The following ADGRB3 variants were observed in gnomAD, a reference collection of about 807,000 sequenced individuals.
ADGRB3 encodes the protein brain-specific angiogenesis inhibitor 3.
In ADGRB3, 37 loss-of-function variants were observed where a neutral mutation model predicts 193.4. The observed-to-expected ratio is 0.19, with a 90% CI of 0.15 to 0.25. The LOEUF (loss-of-function observed/expected upper bound fraction) is 0.25, where lower values mean the gene tolerates loss of function less well. Among genes scored for constraint, ADGRB3 ranks in the 10% least tolerant of loss-of-function variants. The probability of loss-of-function intolerance (pLI) is 1.00; values close to 1 mark genes in which losing one functional copy is unlikely to be tolerated. For missense variants in ADGRB3, 1,637 were observed against 1,852.9 expected (o/e 0.88, Z 2.14); for synonymous variants, 690 against 644.2 (o/e 1.07, Z -1.08).
intron 3 of ADGRB3, among the ~76,000 whole-genome samples, chr6:68,817,021 T>C (rs1302662349): frequency 6.6e-6 from 1 of 151,864 alleles, no homozygotes; most frequent in Non-Finnish European, 1.5e-5. Flanking sequence ...TTTGGTATTT[T>C]TTATAATATA....
chr6:69,150,755 G>T (rs1774649481), intron 17 of ADGRB3, among the ~76,000 whole-genome samples: 2 of 152,336 alleles, frequency 1.3e-5, no homozygotes, highest in South Asian at 4.1e-4. Context: ...CCAAGGCCCA[G>T]AGTGTGTACT....
chr6:69,180,630 G>C (rs1263497946), intron 17 of ADGRB3, among the ~76,000 whole-genome samples: 1 of 152,160 alleles, frequency 6.6e-6, no homozygotes. Flanking sequence ...CCAGTTCCAG[G>C]TTGCCAAGCT....
chr6:68,670,136 A>G (rs1312849204), intron 3 of ADGRB3, among the ~76,000 whole-genome samples: 1 of 151,732 alleles, frequency 6.6e-6, no homozygotes, highest in Non-Finnish European at 1.5e-5. Flanking sequence ...TTTCTTATAT[A>G]GTTGTTTGAG....
chr6:69,122,108 G>A (rs2150330335), intron 17 of ADGRB3, among the ~76,000 whole-genome samples: 1 of 145,170 alleles, frequency 6.9e-6, no homozygotes, highest in Admixed American at 7.0e-5. Flanking sequence ...GCGGCTGGAA[G>A]GTGGATGTTG....
intron 6 of ADGRB3, among the ~76,000 whole-genome samples, chr6:68,954,974 T>C (rs987974573): frequency 6.6e-6 from 1 of 152,044 alleles, no homozygotes; most frequent in Non-Finnish European, 1.5e-5. Context: ...TTCAATGGCT[T>C]CTTAAACACC....
intron 17 of ADGRB3, among the ~76,000 whole-genome samples, chr6:69,210,125 T>C (rs1175092818): frequency 9.3e-6 from 1 of 107,760 alleles, no homozygotes; most frequent in African/African-American, 3.7e-5. Flanking sequence ...CACACACTCA[T>C]ATATATCATA....
chr6:68,892,645 C>T (rs924001405), intron 3 of ADGRB3, among the ~76,000 whole-genome samples: 21 of 152,128 alleles, frequency 1.4e-4, no homozygotes, highest in Non-Finnish European at 2.5e-4. Flanking sequence ...TCTCAGAGGG[C>T]CTGGGTTGTG....
At chr6:68,664,259 G>A (rs1768743767) in intron 3 of ADGRB3, among the ~76,000 whole-genome samples, 1 of 151,670 alleles carries the variant, frequency 6.6e-6, no homozygotes, top group Non-Finnish European at 1.5e-5. Flanking sequence ...AAATGTTTGA[G>A]ATGTGTTTGA....
Position 69,049,276 on chromosome 6 carries a change from G to T in ADGRB3, c.2263G>T (p.Asp755Tyr). 1 of 1,599,402 alleles carries T rather than the reference G, an allele frequency of 6.3e-7. No individual in the cohort carries two copies. Among genetic ancestry groups the T allele is most frequent in the South Asian group, 1.1e-5 (1 of 89,048 alleles). The change falls in exon 15 of 32, where the codon GAT (aspartate) becomes TAT (tyrosine). Residue 755 changes from aspartate to tyrosine, a missense_variant. Transcript: ENST00000370598. Reference protein sequence around the residue: ...IFTPVSSKELDESSVFVLGAV... With the variant: ...IFTPVSSKELYESSVFVLGAV... ...TCAAAATTTATTCTTTCTAGAATTAGATGAATCATCTGTATTTGTTCTTGG... is the reference window on the plus strand; with the variant it reads ...TCAAAATTTATTCTTTCTAGAATTATATGAATCATCTGTATTTGTTCTTGG...
intron 17 of ADGRB3, among the ~76,000 whole-genome samples, chr6:69,172,643 C>CAAAAAGAA (rs1775305652): frequency 3.7e-5 from 1 of 26,828 alleles, no homozygotes; most frequent in Non-Finnish European, 6.0e-5. Flanking sequence ...GACTCTGTCT[C>CAAAAAGAA]AAAAAAAAAA....
rs545580888 is a variant in ADGRB3 at position 69,243,821 on chromosome 6, T to G, written c.2814+4595T>G. Among the ~76,000 whole-genome samples, 3 of 152,122 alleles carry G rather than the reference T, an allele frequency of 2.0e-5. No homozygotes were observed. The South Asian group carries it at 6.2e-4, about 32-fold the overall frequency. On this transcript the variant is annotated intron_variant, in intron 20 of 31. Transcript: ENST00000370598. ...CCAACTAGTCTGGGCATTCTTGGAC[T>G]CCTCCTAGAATTACAGGTTAAACTA...
At chr6:69,202,027 C>T (rs1040196352) in intron 17 of ADGRB3, among the ~76,000 whole-genome samples, 2 of 152,146 alleles carry the variant, frequency 1.3e-5, no homozygotes, top group Non-Finnish European at 1.5e-5. Flanking sequence ...CCATAGGACA[C>T]CATTCCTGCA....
intron 8 of ADGRB3, among the ~76,000 whole-genome samples, chr6:68,969,885 A>G (rs1003270636): frequency 1.3e-4 from 20 of 152,206 alleles, no homozygotes; most frequent in Non-Finnish European, 2.5e-4. Flanking sequence ...AAAATTTAAA[A>G]TTGAATCATT....
At position 68,819,138 on chromosome 6, in the gene ADGRB3, G is replaced by A. The variant is rs147898220; in HGVS notation, c.758-111421G>A. On this transcript the variant is annotated intron_variant, in intron 3 of 31. Coordinates refer to ENST00000370598, the MANE Select transcript of ADGRB3 (RefSeq NM_001704.3). ...CCTTTATATATGAAAGCAATGATAT[G>A]CACCTATCCTCATTTATAACTAGTT... 1.9e-3 allele frequency among the ~76,000 whole-genome samples: 286 copies of A among 151,924 alleles called. 2 individuals carry two copies. The highest frequency in any genetic ancestry group is 2.4e-3 in the Non-Finnish European group (165 of 67,940).
intron 3 of ADGRB3, among the ~76,000 whole-genome samples, chr6:68,667,496 G>A (rs777223958): frequency 2.6e-5 from 4 of 151,748 alleles, no homozygotes; most frequent in Non-Finnish European, 5.9e-5. Flanking sequence ...ATTTATATCC[G>A]TAGAACCTGA....
intron 10 of ADGRB3, among the ~76,000 whole-genome samples, chr6:68,990,750 C>A (rs1274006227): frequency 1.3e-5 from 2 of 152,150 alleles, no homozygotes; most frequent in African/African-American, 4.8e-5. Context: ...AAATCCCTCA[C>A]AGGCACAGGT....
At chr6:69,270,022 C>G (rs572800242) in intron 20 of ADGRB3, among the ~76,000 whole-genome samples, 1 of 152,214 alleles carries the variant, frequency 6.6e-6, no homozygotes, top group East Asian at 1.9e-4. Context: ...TGTTTCTCAT[C>G]TTTATACCTT....
At chr6:69,174,975 T>A (rs1235488732) in intron 17 of ADGRB3, among the ~76,000 whole-genome samples, 1 of 152,202 alleles carries the variant, frequency 6.6e-6, no homozygotes, top group Non-Finnish European at 1.5e-5. Flanking sequence ...TTTTGCTTGT[T>A]GAATTAAGAT....
chr6:68,678,633 A>ATAT (rs1764819368), intron 3 of ADGRB3, among the ~76,000 whole-genome samples: 1 of 152,194 alleles, frequency 6.6e-6, no homozygotes, highest in Non-Finnish European at 1.5e-5. Context: ...AAATTGAGGA[A>ATAT]TATATCCAGG....
Sources: allele counts gnomAD v4.1 joint callset (sites outside exome capture counted in the v4.1 genomes callset), GRCh38; gene constraint gnomAD v4.1.1; transcripts MANE v1.5; gene names NCBI Gene and HGNC (gene_info 2026-07-23, HGNC 2026-07-21).